Variants in MCC observed in about 807,000 individuals in gnomAD.
MCC encodes the protein colorectal mutant cancer protein.
A neutral mutation model predicts 116.2 loss-of-function variants in MCC; 90 were observed. That is an observed-to-expected ratio of 0.77 (90% confidence interval 0.65 to 0.92). The LOEUF (loss-of-function observed/expected upper bound fraction) is 0.92, where lower values mean the gene tolerates loss of function less well. Ranked by LOEUF, MCC falls within the 40% of genes least tolerant of loss-of-function variation. The pLI, the probability that MCC is intolerant of heterozygous loss-of-function variation, is 0.00. For synonymous variants in MCC, 578 were observed against 510.5 expected, an observed-to-expected ratio of 1.13 and a Z score of -1.78; for missense variants, 1,516 against 1,312.2, an observed-to-expected ratio of 1.16 and a Z score of -2.40.
chr5:113,329,059 C>T (rs1320709377), intron 3 of MCC, among the ~76,000 whole-genome samples: 1 of 152,156 alleles, frequency 6.6e-6, no homozygotes. Context: ...TTTTTCATGC[C>T]AGGCAACCTC....
intron 12 of MCC, among the ~76,000 whole-genome samples, chr5:113,069,960 C>T (rs1753921396): frequency 6.6e-6 from 1 of 152,156 alleles, no homozygotes; most frequent in Admixed American, 6.5e-5. Context: ...TAGGTGATAC[C>T]AGCTCCTCGT....
At chr5:113,283,831 T>C (rs988126475) in intron 3 of MCC, among the ~76,000 whole-genome samples, 9 of 152,224 alleles carry the variant, frequency 5.9e-5, no homozygotes, top group African/African-American at 1.2e-4. Context: ...CTGCTAATGT[T>C]TGATCCACTT....
intron 3 of MCC, among the ~76,000 whole-genome samples, chr5:113,160,512 G>C (rs1444443058): frequency 6.6e-6 from 1 of 152,204 alleles, no homozygotes; most frequent in East Asian, 1.9e-4. Flanking sequence ...GAGACTTAGA[G>C]GTTAAGTAAC....
intron 1 of MCC, among the ~76,000 whole-genome samples, chr5:113,485,284 G>C (rs571174829): frequency 1.3e-5 from 2 of 152,296 alleles, no homozygotes; most frequent in South Asian, 2.1e-4. Flanking sequence ...CGGAGGACCA[G>C]AGCAAATATA....
chr5:113,439,866 A>G (rs1165188598), intron 1 of MCC, among the ~76,000 whole-genome samples: 1 of 152,154 alleles, frequency 6.6e-6, no homozygotes, highest in Non-Finnish European at 1.5e-5. Context: ...ATTAATGGTC[A>G]TTTTATTTTA....
chr5:113,315,617 T>C (rs997938397), intron 3 of MCC, among the ~76,000 whole-genome samples: 3 of 143,788 alleles, frequency 2.1e-5, no homozygotes, highest in Middle Eastern at 3.8e-3. Context: ...TCTGTAATCC[T>C]AGCACTTCAG....
intron 3 of MCC, among the ~76,000 whole-genome samples, chr5:113,169,302 A>C (rs1006654242): frequency 6.6e-6 from 1 of 152,054 alleles, no homozygotes; most frequent in Non-Finnish European, 1.5e-5. Context: ...GAGAAAGGAA[A>C]ATAATAATAA....
At chr5:113,117,403 A>G (rs1757455849) in intron 6 of MCC, among the ~76,000 whole-genome samples, 1 of 152,260 alleles carries the variant, frequency 6.6e-6, no homozygotes, top group Non-Finnish European at 1.5e-5. Flanking sequence ...TGATCACACC[A>G]GAAAGCAAGG....
intron 1 of MCC, among the ~76,000 whole-genome samples, chr5:113,438,206 G>T (rs1449893619): frequency 6.6e-6 from 1 of 152,122 alleles, no homozygotes; most frequent in African/African-American, 2.4e-5. Context: ...GTTGTGGGGG[G>T]AGTCTTTAAC....
At chr5:113,315,885 A>C (rs1406182123) in intron 3 of MCC, among the ~76,000 whole-genome samples, 2 of 151,934 alleles carry the variant, frequency 1.3e-5, no homozygotes, top group African/African-American at 4.8e-5. Flanking sequence ...CTCAAAAAAA[A>C]GACAGCAGAA....
chr5:113,185,041 A>C (rs1166396511), intron 3 of MCC, among the ~76,000 whole-genome samples: 4 of 152,224 alleles, frequency 2.6e-5, no homozygotes, highest in African/African-American at 9.6e-5. Flanking sequence ...GAAGCTGGGG[A>C]AATCCTGAAG....
intron 11 of MCC, among the ~76,000 whole-genome samples, chr5:113,075,391 C>T (rs189966887): frequency 9.3e-4 from 142 of 152,330 alleles, no homozygotes; most frequent in African/African-American, 3.2e-3. Flanking sequence ...GTGCCCAGTC[C>T]CATCGACCGC....
intron 1 of MCC, chr5:113,436,098 C>A (rs1265014788): frequency 1.3e-5 from 2 of 152,436 alleles, no homozygotes; most frequent in Non-Finnish European, 2.9e-5. Context: ...CCAGGTGGAA[C>A]CCTGGGCCCT....
chr5:113,404,084 C>G (rs947760488), intron 1 of MCC, among the ~76,000 whole-genome samples: 1 of 152,066 alleles, frequency 6.6e-6, no homozygotes, highest in African/African-American at 2.4e-5. Context: ...CCAGGCTAGT[C>G]TTGAACTCCT....
At chr5:113,394,084 C>CA (rs555299149) in intron 1 of MCC, among the ~76,000 whole-genome samples, 1 of 152,158 alleles carries the variant, frequency 6.6e-6, no homozygotes, top group Non-Finnish European at 1.5e-5. Flanking sequence ...ATCTTGAACT[C>CA]AAAGTCCTGT....
chr5:113,057,355 C>T (rs1403617095), intron 14 of MCC, among the ~76,000 whole-genome samples: 1 of 152,060 alleles, frequency 6.6e-6, no homozygotes, highest in Non-Finnish European at 1.5e-5. Context: ...GAGGCCAGGG[C>T]AGAGGCAGGG....
intron 1 of MCC, among the ~76,000 whole-genome samples, chr5:113,453,052 T>A (rs1417251380): frequency 1.3e-5 from 2 of 152,232 alleles, no homozygotes; most frequent in Non-Finnish European, 2.9e-5. Context: ...TGCTGATTAA[T>A]GTTAATGGCA....
At chr5:113,073,004 C>A (rs1466079309) in intron 11 of MCC, among the ~76,000 whole-genome samples, 2 of 152,152 alleles carry the variant, frequency 1.3e-5, no homozygotes, top group Non-Finnish European at 2.9e-5. Context: ...CTAGACCAAG[C>A]TTGTCCAACC....
chr5:113,322,586 T>A (rs542670340), intron 3 of MCC, among the ~76,000 whole-genome samples: 1 of 152,238 alleles, frequency 6.6e-6, no homozygotes, highest in Non-Finnish European at 1.5e-5. Flanking sequence ...TAAACTTTCT[T>A]GGGTAAAGTC....
Sources: gnomAD v4.1 joint callset for allele counts (sites outside exome capture counted in the v4.1 genomes callset) on GRCh38, gnomAD v4.1.1 for gene constraint, MANE v1.5 for transcripts, NCBI Gene and HGNC (gene_info 2026-07-23, HGNC 2026-07-21) for gene names.